The following GRAMD1A variants were observed in gnomAD, a reference collection of about 807,000 sequenced individuals.
GRAMD1A encodes protein Aster-A.
GRAMD1A carries 50 observed loss-of-function variants against 92.0 expected under a neutral mutation model. That is an observed-to-expected ratio of 0.54 (90% confidence interval 0.43 to 0.69). The LOEUF (loss-of-function observed/expected upper bound fraction) is 0.69. GRAMD1A is among the 30% of genes least tolerant of loss of function. The pLI is 0.00. For synonymous variants in GRAMD1A, 405 were observed against 403.6 expected, an observed-to-expected ratio of 1.00 and a Z score of -0.04; for missense variants, 819 against 978.9, an observed-to-expected ratio of 0.84 and a Z score of 2.18.
At chr19:35,005,914 A>G (rs1195721993) in intron 1 of GRAMD1A, 14 of 456,186 alleles carry the variant, frequency 3.1e-5, no homozygotes, top group Non-Finnish European at 6.2e-5. Context: ...ACAGAATGGC[A>G]TATGTTAAGG....
chr19:35,025,734 G>A (rs1184099994), intron 19 of GRAMD1A, among the ~76,000 whole-genome samples: 6 of 152,150 alleles, frequency 3.9e-5, no homozygotes, highest in South Asian at 2.1e-4. Flanking sequence ...TTATAGACCC[G>A]TATTTCAAAT....
intron 11 of GRAMD1A, among the ~76,000 whole-genome samples, chr19:35,017,027 T>G (rs773247851): frequency 6.6e-6 from 1 of 150,382 alleles, no homozygotes; most frequent in Non-Finnish European, 1.5e-5. Context: ...AAAAAAAAAT[T>G]AGCTGAGCAT....
rs2016411906 is a variant in GRAMD1A at position 35,026,036 on chromosome 19, C to T, written c.2083-13C>T. 6.7e-7 allele frequency: 1 copy of T among 1,482,238 alleles called. No individual in the cohort carries two copies. Among genetic ancestry groups the T allele is most frequent in the East Asian group, 2.3e-5 (1 of 44,284 alleles). 91.8% of individuals were successfully genotyped at this position (1,482,238 alleles called of 1,614,324 possible). Reference sequence around the variant, plus strand: ...AGCGTTCACCCCCGACCCTGCTCACCTCCTCCCCGCAGATGAAGTTCTCGC... The same window carrying T: ...AGCGTTCACCCCCGACCCTGCTCACTTCCTCCCCGCAGATGAAGTTCTCGC... On this transcript the variant is annotated splice_polypyrimidine_tract_variant and intron_variant, in intron 19 of 19. Transcript: ENST00000317991.
upstream of GRAMD1A, chr19:35,000,285 G>A (rs947488596): frequency 1.9e-6 from 2 of 1,033,330 alleles, no homozygotes; most frequent in Non-Finnish European, 2.3e-6. This position sits in a 1 kb window ranked among gnomAD's most constrained non-coding sequence, Gnocchi z 4.9. Context: ...AAGGAAGGGG[G>A]TGTCGCTGAC....
rs761348115 is a variant in GRAMD1A at position 35,019,505 on chromosome 19, G to A, written c.1447G>A (p.Gly483Ser). 3 of 1,613,936 alleles carry A rather than the reference G, an allele frequency of 1.9e-6. No homozygotes were observed. The South Asian group carries it at 3.3e-5, about 18-fold the overall frequency. ...CACTGCCCACCGCTACTGCATCCTG[G>A]GTCTGGCCCGGAACAAGGCGCGGCT... Reference protein sequence around the residue: ...FYTAHRYCILGLARNKARLRV... With the variant: ...FYTAHRYCILSLARNKARLRV... Residue 483 changes from glycine to serine, a missense_variant, in exon 13 of 20, where the codon GGT (glycine) becomes AGT (serine). Gly to Ser is a moderately conservative substitution (Grantham distance 56). Around this residue, in one of 3 missense-constraint regions of GRAMD1A, gnomAD observed 577 missense variants for 674.6 expected, o/e 0.86. Transcript: ENST00000317991.
In GRAMD1A at chr19:35,013,576, G is replaced by A; in HGVS notation, c.755G>A (p.Ser252Asn). 1 of 1,612,774 alleles carries A rather than the reference G, an allele frequency of 6.2e-7. No individual in the cohort carries two copies. Among genetic ancestry groups the A allele is most frequent in the Non-Finnish European group, 8.5e-7 (1 of 1,179,268 alleles). The change falls in exon 9 of 20, where the codon AGC becomes AAC. Residue 252 changes from serine (S) to asparagine (N), a missense_variant. By Grantham distance (46) the Ser-to-Asn change is conservative. Coordinates refer to ENST00000317991, the MANE Select transcript of GRAMD1A (RefSeq NM_020895.5). This position sits in a 1 kb window ranked among gnomAD's most constrained non-coding sequence, Gnocchi z 4.9. ...GAAGTGGGAGATGTGATCGCCCTGA[G>A]CGACATCACCTCCTCGGGGGCAGCT... ...PKEVGDVIAL[S>N]DITSSGAADR...
At chr19:34,999,685 CGA>C, upstream of GRAMD1A, among the ~76,000 whole-genome samples, 1 of 152,354 alleles carries the variant, frequency 6.6e-6, no homozygotes, top group African/African-American at 2.4e-5. Flanking sequence ...CCCTTACCAC[CGA>C]GTTAGTGGGA....
At chr19:35,023,595 T>C in intron 19 of GRAMD1A, 48 bp downstream of exon 19, 1 of 1,513,550 alleles carries the variant, frequency 6.6e-7, no homozygotes, top group Non-Finnish European at 8.8e-7. Context: ...GGCTGCAGGG[T>C]CCTGTGTTGA....
Position 35,000,450 on chromosome 19 carries a change from G to GCC in GRAMD1A, c.-27_-26dup. Reference sequence around the variant, plus strand: ...CCTGCCCTGCCCTGCCCTGCCCTGCGCCCGGGGCGCGCCCACCGCGCCGCA... The same window carrying GCC: ...CCTGCCCTGCCCTGCCCTGCCCTGCGCCCCCGGGGCGCGCCCACCGCGCCGCA... On this transcript the variant is annotated 5_prime_UTR_variant, in exon 1 of 20. Transcript: ENST00000317991. The surrounding 1 kb of genome is among the most constrained non-coding windows in gnomAD (Gnocchi z 4.9). The GCC allele has an allele frequency of 1.6e-6, 1 of 643,058 alleles. No individual in the cohort carries two copies. Among genetic ancestry groups the GCC allele is most frequent in the African/African-American group, 2.9e-5 (1 of 34,338 alleles). The allele number at this position is 643,058 out of a possible 1,614,324, so 39.8% of individuals were successfully genotyped here.
At chr19:35,015,522 C>T in intron 10 of GRAMD1A, 1 of 310,554 alleles carries the variant, frequency 3.2e-6, no homozygotes, top group Non-Finnish European at 6.0e-6. Flanking sequence ...TTGCTGTGCC[C>T]CTAGGTTGAT....
intron 3 of GRAMD1A, 189 bp downstream of exon 3, chr19:35,009,632 C>T (rs1387789382): frequency 3.0e-6 from 2 of 677,818 alleles, no homozygotes; most frequent in African/African-American, 3.6e-5. Context: ...GGGCCTCTCT[C>T]TGTCCTTGAG....
Position 35,021,381 on chromosome 19 carries a change from T to C in GRAMD1A, c.1476-121T>C, listed in dbSNP as rs1568337696. 1 of 731,030 alleles carries C rather than the reference T, an allele frequency of 1.4e-6. No individual in the cohort carries two copies. The highest frequency in any genetic ancestry group is 2.4e-6 in the Non-Finnish European group (1 of 414,168). The allele number at this position is 731,030 out of a possible 1,614,324, so 45.3% of individuals were successfully genotyped here. A position where few individuals can be genotyped will look rare whatever the true frequency, so the allele number is the denominator to read the frequency against. ...TGGGGGGTAGGGAACCCATCTGTTT[T>C]GTCTGTGAGTGACAAGGGGCCCTCT... On this transcript the variant is annotated intron_variant, in intron 13 of 19. Transcript: ENST00000317991. The surrounding 1 kb of genome is among the most constrained non-coding windows in gnomAD (Gnocchi z 5.3).
At position 35,013,891 on chromosome 19, in the gene GRAMD1A, CAGAA is replaced by C. The variant is rs544918850; in HGVS notation, c.870+203_870+206del. Among the ~76,000 whole-genome samples the C allele has an allele frequency of 2.6e-5, 4 of 152,102 alleles. No individual in the cohort carries two copies. Among genetic ancestry groups the C allele is most frequent in the Non-Finnish European group, 4.4e-5 (3 of 67,972 alleles). On this transcript the variant is annotated intron_variant, in intron 9 of 19. Transcript: ENST00000317991. The surrounding 1 kb of genome is among the most constrained non-coding windows in gnomAD (Gnocchi z 4.9). Reference sequence around the variant, plus strand: ...AGAGACAGGGAAGAGAGGGGACAGACAGAAAGGATGAGAGACAGAAGGGATGGGA... The same window carrying C: ...AGAGACAGGGAAGAGAGGGGACAGACAGGATGAGAGACAGAAGGGATGGGA...
chr19:35,023,327 C>T lies in GRAMD1A; in HGVS notation c.1945C>T (p.Leu649=). The change falls in exon 18 of 20, where the codon CTG becomes TTG. Residue 649 remains leucine (L), a synonymous_variant. Coordinates refer to ENST00000317991, the MANE Select transcript of GRAMD1A (RefSeq NM_020895.5). Reference sequence around the variant, plus strand: ...CCACACCTTTGAGTCCTGGCACAGCCTGGCCCTGGCCAAGGGGTGAGTGGG... The same window carrying T: ...CCACACCTTTGAGTCCTGGCACAGCTTGGCCCTGGCCAAGGGGTGAGTGGG... ...TAHTFESWHS[L]ALAKGKFPQT... is the part of the protein sequence containing the mutation. The T allele has an allele frequency of 6.2e-7, 1 of 1,614,110 alleles. No individual in the cohort carries two copies. Among genetic ancestry groups the T allele is most frequent in the African/African-American group, 1.3e-5 (1 of 75,062 alleles).
At chr19:35,012,606 T>C (rs774001134) in intron 7 of GRAMD1A, among the ~76,000 whole-genome samples, 7 of 151,976 alleles carry the variant, frequency 4.6e-5, no homozygotes, top group Non-Finnish European at 8.8e-5. Context: ...AGTCACTTGG[T>C]GACCTTGAAC....
chr19:35,009,287 C>T lies in GRAMD1A; in HGVS notation c.177C>T (p.Ser59=). ...AGGGTGGGGTGCCTGGGACCCCCAG[C>T]ACCCAGAGCCTAGGCAGCCGGAACT... ...SEKGGVPGTP[S]TQSLGSRNFI... Residue 59 remains serine (S), a synonymous_variant, in exon 2 of 20, where the codon AGC becomes AGT. Coordinates refer to ENST00000317991, the MANE Select transcript of GRAMD1A (RefSeq NM_020895.5). 3 of 1,614,030 alleles carry T rather than the reference C, an allele frequency of 1.9e-6. No homozygotes were observed. The highest frequency in any genetic ancestry group is 8.5e-7 in the Non-Finnish European group (1 of 1,179,930).
intron 7 of GRAMD1A, among the ~76,000 whole-genome samples, chr19:35,012,221 G>C (rs1021327406): frequency 6.6e-6 from 1 of 152,174 alleles, no homozygotes; most frequent in East Asian, 1.9e-4. Flanking sequence ...TCTGCCCCCC[G>C]GCTGTAGACC....
intron 10 of GRAMD1A, 146 bp from the exon 11 acceptor site, chr19:35,015,678 G>T: frequency 2.9e-6 from 2 of 692,330 alleles, no homozygotes; most frequent in Non-Finnish European, 4.6e-6. Flanking sequence ...CTGAGTCACA[G>T]GAGGGCTCTG....
rs2014253990 is a variant in GRAMD1A, at chr19:35,000,389, G to A, written c.-90G>A. Reference sequence around the variant, plus strand: ...GGAAGGCCAGGCCGGTGCCCTGCGGGGACGCCCAGCGCAGCCCAGCCCCGC... The same window carrying A: ...GGAAGGCCAGGCCGGTGCCCTGCGGAGACGCCCAGCGCAGCCCAGCCCCGC... On this transcript the variant is annotated 5_prime_UTR_variant, in exon 1 of 20. Coordinates refer to ENST00000317991, the MANE Select transcript of GRAMD1A (RefSeq NM_020895.5). This position sits in a 1 kb window ranked among gnomAD's most constrained non-coding sequence, Gnocchi z 4.9. 3 of 1,152,922 alleles carry A rather than the reference G, an allele frequency of 2.6e-6. No individual in the cohort carries two copies. Among genetic ancestry groups the A allele is most frequent in the East Asian group, 4.3e-5 (1 of 23,468 alleles). The allele number at this position is 1,152,922 out of a possible 1,614,324, so 71.4% of individuals were successfully genotyped here. A position where few individuals can be genotyped will look rare whatever the true frequency, so the allele number is the denominator to read the frequency against.
Sources: allele counts gnomAD v4.1 joint callset (sites outside exome capture counted in the v4.1 genomes callset), GRCh38; gene constraint gnomAD v4.1.1; regional missense constraint gnomAD v4.1.1; non-coding constraint Gnocchi (gnomAD v3.1); transcripts MANE v1.5; gene names NCBI Gene and HGNC (gene_info 2026-07-23, HGNC 2026-07-21).